The following GAS6 variants were observed in gnomAD, a reference collection of about 807,000 sequenced individuals.
The protein encoded by GAS6 is growth arrest-specific protein 6.
GAS6 carries 41 observed loss-of-function variants against 75.8 expected under a neutral mutation model. The ratio of observed to expected loss-of-function variants is 0.54; its 90% CI spans 0.42 to 0.70. GAS6 has a LOEUF of 0.70. GAS6 is among the 30% of genes least tolerant of loss of function. The pLI is 0.00. For synonymous variants in GAS6, 432 were observed against 412.6 expected (o/e 1.05, Z -0.57); for missense variants, 854 against 940.2 (o/e 0.91, Z 1.20).
At chr13:113,839,934 G>A in intron 4 of GAS6, 84 bp from the exon 5 acceptor site, 1 of 1,598,090 alleles carries the variant, frequency 6.3e-7, no homozygotes, top group South Asian at 1.1e-5. Flanking sequence ...GGCGGCTGTG[G>A]GGTCTCGGGT....
At chr13:113,833,992 G>A (rs1193433230) in intron 8 of GAS6, among the ~76,000 whole-genome samples, 5 of 147,562 alleles carry the variant, frequency 3.4e-5, no homozygotes, top group Admixed American at 1.3e-4. Context: ...GTGACAGGTC[G>A]GTGTGACAGA....
chr13:113,834,871 C>T, intron 7 of GAS6, 199 bp from the exon 8 acceptor site: 1 of 466,406 alleles, frequency 2.1e-6, no homozygotes, highest in Admixed American at 4.0e-5. Flanking sequence ...TGCCCGGGCT[C>T]TTTCTTGAGG....
intron 2 of GAS6, among the ~76,000 whole-genome samples, chr13:113,860,773 A>T (rs1234938538): frequency 6.6e-6 from 1 of 152,038 alleles, no homozygotes; most frequent in Non-Finnish European, 1.5e-5. Flanking sequence ...TCCAGCAGAG[A>T]GGGCTGGGGA....
intron 12 of GAS6, among the ~76,000 whole-genome samples, chr13:113,824,033 C>G (rs1336472737): frequency 6.7e-6 from 1 of 149,236 alleles, no homozygotes; most frequent in Non-Finnish European, 1.5e-5. Flanking sequence ...GTCATGAGCA[C>G]GGTGGTCTGG....
intron 5 of GAS6, 148 bp downstream of exon 5, chr13:113,839,580 C>T (rs935507860): frequency 7.0e-6 from 7 of 997,356 alleles, no homozygotes; most frequent in Non-Finnish European, 1.0e-5. Flanking sequence ...TCTCCTGGGG[C>T]TCCAGGATAC....
At position 113,847,900 on chromosome 13, in the gene GAS6, C is replaced by T. The variant is rs115538354; in HGVS notation, c.280+126G>A. The T allele has an allele frequency of 4.2e-3, 3,690 of 875,650 alleles. 79 individuals carry two copies. The African/African-American group carries it at 0.048, about 11-fold the overall frequency. 54.2% of individuals were successfully genotyped at this position (875,650 alleles called of 1,614,324 possible). On this transcript the variant is annotated intron_variant, in intron 3 of 14. Transcript: ENST00000327773. ...GACCTGCATGTTCCGGACAGTTCCA[C>T]GTGCACCATGTGATTAAGAATCTTC...
At chr13:113,828,254 A>G (rs1048824938) in intron 11 of GAS6, among the ~76,000 whole-genome samples, 2 of 150,646 alleles carry the variant, frequency 1.3e-5, no homozygotes, top group African/African-American at 2.5e-5. Flanking sequence ...ACAGAGCAAG[A>G]CTCCGTCTCA....
chr13:113,850,617 C>G (rs2051865661), intron 2 of GAS6, among the ~76,000 whole-genome samples: 1 of 152,212 alleles, frequency 6.6e-6, no homozygotes, highest in African/African-American at 2.4e-5. Flanking sequence ...AAGACAACAT[C>G]TACCTGCCCA....
At chr13:113,838,605 G>A (rs1594200891) in intron 5 of GAS6, among the ~76,000 whole-genome samples, 2 of 111,582 alleles carry the variant, frequency 1.8e-5, no homozygotes, top group African/African-American at 3.8e-5. Flanking sequence ...CCCAGCCCTG[G>A]AGCAGGGAGG....
chr13:113,824,877 C>T (rs2051514259), intron 12 of GAS6, among the ~76,000 whole-genome samples: 1 of 152,170 alleles, frequency 6.6e-6, no homozygotes, highest in African/African-American at 2.4e-5. Flanking sequence ...CTCCTGTTTG[C>T]CGGTCTTCCC....
chr13:113,832,639 G>A lies in GAS6; in HGVS notation c.948C>T (p.Pro316=). ...VIRLRFKRLQ[P]TRLVAEFDFR... ...TCCTGTGGACACCTCCTCACCTGGTGGGCTGCAGCCTCTTGAAGCGCAGTC... is the reference window on the plus strand; with the variant it reads ...TCCTGTGGACACCTCCTCACCTGGTAGGCTGCAGCCTCTTGAAGCGCAGTC... The change falls in exon 9 of 15, where the codon CCC becomes CCT. Residue 316 remains proline, a synonymous_variant. Transcript: ENST00000327773. The A allele has an allele frequency of 6.2e-7, 1 of 1,612,772 alleles. No individual in the cohort carries two copies. Among genetic ancestry groups the A allele is most frequent in the Non-Finnish European group, 8.5e-7 (1 of 1,179,974 alleles).
Position 113,863,793 on chromosome 13 carries a change from C to A in GAS6, c.88+40G>T. The A allele has an allele frequency of 7.1e-7, 1 of 1,401,016 alleles. No individual in the cohort carries two copies. The highest frequency in any genetic ancestry group is 9.2e-7 in the Non-Finnish European group (1 of 1,089,320). The allele number at this position is 1,401,016 out of a possible 1,614,324, so 86.8% of individuals were successfully genotyped here. Reference sequence around the variant, plus strand: ...GTCAAGCCGCGCCCGGAGCCTCCTCCCGCCGCCCGGGGACGGGGTCTCGGG... The same window carrying A: ...GTCAAGCCGCGCCCGGAGCCTCCTCACGCCGCCCGGGGACGGGGTCTCGGG... On this transcript the variant is annotated intron_variant, in intron 1 of 14. Coordinates refer to ENST00000327773, the MANE Select transcript of GAS6 (RefSeq NM_000820.4). This position sits in a 1 kb window ranked among gnomAD's most constrained non-coding sequence, Gnocchi z 9.4.
At position 113,864,029 on chromosome 13, in the gene GAS6, C is replaced by CGCG. The variant is rs565797652; in HGVS notation, c.-112_-110dup. 5.1e-4 allele frequency: 509 copies of CGCG among 1,003,480 alleles called. No homozygotes were observed. Among genetic ancestry groups the CGCG allele is most frequent in the African/African-American group, 2.2e-3 (127 of 56,804 alleles). The allele number at this position is 1,003,480 out of a possible 1,614,324, so 62.2% of individuals were successfully genotyped here. A position where few individuals can be genotyped will look rare whatever the true frequency, so the allele number is the denominator to read the frequency against. ...GTCCTGGCGGCCCTGAAGGTCACAT[C>CGCG]GCGGCGGCGGCGGCGGCGGCGGCTG... On this transcript the variant is annotated 5_prime_UTR_variant, in exon 1 of 15. Transcript: ENST00000327773.
intron 3 of GAS6, chr13:113,847,053 C>CG: frequency 4.0e-6 from 2 of 501,108 alleles, no homozygotes. Context: ...GCTAGGGCGG[C>CG]GGGGGGAGGC....
rs561180971 is a variant in GAS6 at position 113,845,679 on chromosome 13, C to A, written c.343+848G>T. 2.7e-5 allele frequency: 4 copies of A among 148,240 alleles called. No individual in the cohort carries two copies. The East Asian group carries it at 5.9e-4, about 22-fold the overall frequency. The allele number at this position is 148,240 out of a possible 1,614,324, so 9.2% of individuals were successfully genotyped here. ...GAGAAAAACAGGCAAAAAATATAAA[C>A]AACAGTTTATAGGAAAAGAAATACA... is the stretch of plus-strand genomic sequence containing the variant. On this transcript the variant is annotated intron_variant, in intron 4 of 14. Coordinates refer to ENST00000327773, the MANE Select transcript of GAS6 (RefSeq NM_000820.4). The surrounding 1 kb of genome is among the most constrained non-coding windows in gnomAD (Gnocchi z 4.3).
intron 2 of GAS6, among the ~76,000 whole-genome samples, chr13:113,861,135 T>G (rs1171008488): frequency 1.3e-5 from 2 of 152,238 alleles, no homozygotes; most frequent in Admixed American, 1.3e-4. Flanking sequence ...TGGGACACAC[T>G]TCGGGCAGGT....
At chr13:113,833,930 AGTGTGACAGGCCCCG>A (rs2051664091) in intron 8 of GAS6, among the ~76,000 whole-genome samples, 2 of 139,152 alleles carry the variant, frequency 1.4e-5, no homozygotes, top group African/African-American at 2.7e-5. Flanking sequence ...GACAGGCACC[AGTGTGACAGGCCCCG>A]GTGTGACAGG....
intron 3 of GAS6, 84 bp downstream of exon 3, chr13:113,847,942 G>T: frequency 8.1e-7 from 1 of 1,228,822 alleles, no homozygotes; most frequent in East Asian, 2.3e-5. Context: ...AGAGTTACGT[G>T]GTGAGGAGAT....
At position 113,834,544 on chromosome 13, in the gene GAS6, C is replaced by T. The variant is rs8191974; in HGVS notation, c.834+7G>A. On this transcript the variant is annotated splice_region_variant and intron_variant, in intron 8 of 14. Transcript: ENST00000327773. ...GTGAAGGGCCCGCGGGGCCAGGGGC[C>T]GCCTACCTCACAGGTGTCCATGTCC... The T allele has an allele frequency of 0.3, 465,162 of 1,551,562 alleles. 71,109 individuals carry two copies. Among genetic ancestry groups the T allele is most frequent in the Admixed American group, 0.34 (16,685 of 48,880 alleles).
Sources: gnomAD v4.1 joint callset for allele counts (sites outside exome capture counted in the v4.1 genomes callset) on GRCh38, gnomAD v4.1.1 for gene constraint, Gnocchi (gnomAD v3.1) non-coding constraint, MANE v1.5 for transcripts, NCBI Gene and HGNC (gene_info 2026-07-23, HGNC 2026-07-21) for gene names.